The following TMOD4 variants were observed in gnomAD, a reference collection of about 807,000 sequenced individuals.
TMOD4 encodes tropomodulin-4.
A neutral mutation model predicts 45.4 loss-of-function variants in TMOD4; 34 were observed. The ratio of observed to expected loss-of-function variants is 0.75; its 90% CI spans 0.57 to 1.00. The LOEUF is 1.00. Among genes scored for constraint, TMOD4 ranks in the 50% least tolerant of loss-of-function variants. The pLI is 0.00. For synonymous variants in TMOD4, 131 were observed against 153.9 expected (o/e 0.85, Z 1.10); for missense variants, 399 against 437.5 (o/e 0.91, Z 0.78).
Position 151,170,593 on chromosome 1 carries a change from C to A in TMOD4, c.941G>T (p.Arg314Leu). ...TVLEQCPSIV[R>L]FGYHFTQQGP... ...CTGCTGTGTAAAGTGGTAGCCAAAG[C>A]GGACAATAGAGGGACACTGCTCTAG... Residue 314 changes from arginine to leucine, a missense_variant, in exon 9 of 10, where the codon CGC becomes CTC. By Grantham distance (102) the Arg-to-Leu change is moderately radical. Transcript: ENST00000295314. The A allele has an allele frequency of 6.2e-7, 1 of 1,614,178 alleles. No homozygotes were observed. Among genetic ancestry groups the A allele is most frequent in the Non-Finnish European group, 8.5e-7 (1 of 1,180,032 alleles).
At position 151,170,100 on chromosome 1, in the gene TMOD4, C is replaced by A; in HGVS notation, c.1019G>T (p.Arg340Leu). 1.2e-6 allele frequency: 2 copies of A among 1,614,170 alleles called. No individual in the cohort carries two copies. The highest frequency in any genetic ancestry group is 1.7e-6 in the Non-Finnish European group (2 of 1,180,020). ...QAMTRNNELR[R>L]QQKKR is the part of the protein sequence containing the mutation. Reference sequence around the variant, plus strand: ...GCAGTGTTATCTCTTCTTTTGCTGGCGACCTGTAAAGGAGCAATATTAAAC... The same window carrying A: ...GCAGTGTTATCTCTTCTTTTGCTGGAGACCTGTAAAGGAGCAATATTAAAC... The change falls in exon 10 of 10, where the codon CGC becomes CTC. Residue 340 changes from arginine to leucine, a missense_variant. Arg to Leu is a moderately radical substitution (Grantham distance 102). Transcript: ENST00000295314.
At position 151,171,451 on chromosome 1, in the gene TMOD4, AC is replaced by A; in HGVS notation, c.707del (p.Ser236MetfsTer22). On this transcript the variant is annotated frameshift_variant, in exon 7 of 10. Transcript: ENST00000295314. LOFTEE classifies it high-confidence loss of function. ...GCCTTACATTGGCAATGGGGTCACC[AC>A]TCCTCGTGGCTACCAGACTGAAGCT... ...VRSFSLVATR[S>X]GDPIANAVAD... The A allele has an allele frequency of 6.2e-7, 1 of 1,613,900 alleles. No individual in the cohort carries two copies. The highest frequency in any genetic ancestry group is 8.5e-7 in the Non-Finnish European group (1 of 1,179,974).
rs1461802178 is a variant in TMOD4, at chr1:151,175,937, C to G, written c.-56G>C. 1 of 152,370 alleles carries G rather than the reference C, an allele frequency of 6.6e-6. No homozygotes were observed. The highest frequency in any genetic ancestry group is 1.5e-5 in the Non-Finnish European group (1 of 68,192). The allele number at this position is 152,370 out of a possible 1,614,324, so 9.4% of individuals were successfully genotyped here. On this transcript the variant is annotated 5_prime_UTR_variant, in exon 1 of 10. Transcript: ENST00000295314. The stretch of plus-strand genomic sequence containing the variant: ...TTCCCCACCTACCAGTCCTGGTGGT[C>G]ACCTCCCTTCTCACCTCCCCTGTGT...
At position 151,170,010 on chromosome 1, in the gene TMOD4, A is replaced by C; in HGVS notation, c.*71T>G. ...AATGGATAGAAGGGCTTTTATTTAC[A>C]GGAAAGGAGGACAGATGAGGATTTA... On this transcript the variant is annotated 3_prime_UTR_variant, in exon 10 of 10. Coordinates refer to ENST00000295314, the MANE Select transcript of TMOD4 (RefSeq NM_013353.3). The C allele has an allele frequency of 6.3e-7, 1 of 1,576,184 alleles. No homozygotes were observed. Among genetic ancestry groups the C allele is most frequent in the Non-Finnish European group, 8.7e-7 (1 of 1,146,540 alleles).
Position 151,170,094 on chromosome 1 carries a change from T to C in TMOD4, c.1025A>G (p.Gln342Arg), listed in dbSNP as rs1683899959. The change falls in exon 10 of 10, where the codon CAA becomes CGA. Residue 342 changes from glutamine (Q) to arginine (R), a missense_variant. By Grantham distance (43) the Gln-to-Arg change is conservative. Transcript: ENST00000295314. ...GGAAATGCAGTGTTATCTCTTCTTT[T>C]GCTGGCGACCTGTAAAGGAGCAATA... ...MTRNNELRRQ[Q>R]KKR 3 of 1,614,100 alleles carry C rather than the reference T, an allele frequency of 1.9e-6. No homozygotes were observed. In the South Asian group the frequency reaches 3.3e-5, roughly 18 times the overall value.
chr1:151,170,193 C>G, intron 9 of TMOD4, 90 bp from the exon 10 acceptor site: 1 of 1,515,690 alleles, frequency 6.6e-7, no homozygotes, highest in Non-Finnish European at 9.1e-7. Context: ...CTTAGCCAAA[C>G]TCATAAATTG....
At chr1:151,170,776 G>A (rs1683927511) in intron 8 of TMOD4, 113 bp from the exon 9 acceptor site, 2 of 1,522,490 alleles carry the variant, frequency 1.3e-6, no homozygotes, top group Non-Finnish European at 1.8e-6. Context: ...AGTGGGTGAA[G>A]AGAGATGCTG....
intron 5 of TMOD4, 70 bp from the exon 6 acceptor site, chr1:151,171,833 C>A: frequency 6.8e-6 from 10 of 1,468,364 alleles, no homozygotes; most frequent in South Asian, 1.4e-5. Flanking sequence ...GTTTTCTTTT[C>A]TTTTCTTTTT....
Position 151,171,648 on chromosome 1 carries a change from G to A in TMOD4, c.603C>T (p.Asn201=), listed in dbSNP as rs757231199. The A allele has an allele frequency of 6.2e-7, 1 of 1,614,082 alleles. No homozygotes were observed. The highest frequency in any genetic ancestry group is 8.5e-7 in the Non-Finnish European group (1 of 1,180,016). ...AGTCAAATACCTGTATATTATTCAA[G>A]TTCACCTCCTCCAGCTCCTTGTCAT... ...RSNDKELEEV[N]LNNIQDIPIP... is the part of the protein sequence containing the mutation. The change falls in exon 6 of 10, where the codon AAC becomes AAT. Residue 201 remains asparagine, a synonymous_variant. Coordinates refer to ENST00000295314, the MANE Select transcript of TMOD4 (RefSeq NM_013353.3).
chr1:151,174,720 A>G (rs587711963), intron 2 of TMOD4, 33 bp downstream of exon 2: 2 of 1,612,744 alleles, frequency 1.2e-6, no homozygotes, highest in South Asian at 2.2e-5. Context: ...AATGCCTGGG[A>G]CTGCCTCTGG....
intron 5 of TMOD4, 73 bp downstream of exon 5, chr1:151,172,195 T>A: frequency 7.9e-7 from 1 of 1,262,086 alleles, no homozygotes; most frequent in African/African-American, 1.5e-5. Flanking sequence ...AATTTCACCC[T>A]TTTCTACCTT....
intron 5 of TMOD4, among the ~76,000 whole-genome samples, chr1:151,172,053 T>C (rs1344458796): frequency 6.6e-6 from 1 of 152,008 alleles, no homozygotes; most frequent in Non-Finnish European, 1.5e-5. Context: ...AGGCTGGTCT[T>C]GAACTCCTGA....
In TMOD4 at chr1:151,174,401, G is replaced by A. The variant is rs763432309; in HGVS notation, c.270C>T (p.Gly90=). The A allele has an allele frequency of 8.1e-6, 13 of 1,613,918 alleles. No individual in the cohort carries two copies. The highest frequency in any genetic ancestry group is 3.3e-5 in the Admixed American group (2 of 59,974). The part of the protein sequence containing the change: ...KERDDLVPFT[G]EKKGKPYIQP... ...TCAGGGTCCCCATACCCTTCTTCTC[G>A]CCTGTGAAGGGCACCAAGTCATCAC... Residue 90 remains glycine, a synonymous_variant, in exon 3 of 10, where the codon GGC becomes GGT. Coordinates refer to ENST00000295314, the MANE Select transcript of TMOD4 (RefSeq NM_013353.3).
At position 151,174,788 on chromosome 1, in the gene TMOD4, G is replaced by A. The variant is rs776300055; in HGVS notation, c.88C>T (p.Gln30Ter). ...LRTLSPEELE[Q>*]LDCELQEMDP... ...ATCTCCTGTAGTTCGCAGTCCAGCT[G>A]CTCTAGCTCCTCGGGGCTCAAGGTC... Residue 30 changes from glutamine (Q) to a stop codon, truncating the protein, a stop_gained, in exon 2 of 10, where the codon CAG (glutamine) becomes TAG (stop). Coordinates refer to ENST00000295314, the MANE Select transcript of TMOD4 (RefSeq NM_013353.3). LOFTEE classifies it high-confidence loss of function. The A allele has an allele frequency of 1.2e-6, 2 of 1,614,114 alleles. No homozygotes were observed. The highest frequency in any genetic ancestry group is 1.7e-6 in the Non-Finnish European group (2 of 1,180,026).
intron 4 of TMOD4, 26 bp from the exon 5 acceptor site, chr1:151,172,383 C>T (rs1423655995): frequency 1.3e-6 from 2 of 1,579,970 alleles, no homozygotes. Context: ...AGAGGAGTCA[C>T]AGGGAATGAG....
intron 3 of TMOD4, 79 bp from the exon 4 acceptor site, chr1:151,173,694 A>G: frequency 8.8e-7 from 1 of 1,131,868 alleles, no homozygotes; most frequent in Admixed American, 1.7e-5. Context: ...TTCCTCCTCC[A>G]GGAGGTAGAA....
At chr1:151,175,500 A>C (rs1253912896) in intron 1 of TMOD4, 1 of 152,288 alleles carries the variant, frequency 6.6e-6, no homozygotes, top group Non-Finnish European at 1.5e-5. Context: ...CTTAAGGGAA[A>C]GCAAGGGCTC....
intron 7 of TMOD4, 25 bp downstream of exon 7, chr1:151,171,408 G>A (rs764709604): frequency 2.5e-6 from 4 of 1,593,036 alleles, no homozygotes; most frequent in African/African-American, 2.7e-5. Flanking sequence ...GTGGGGAGAG[G>A]GCTGGGGATG....
Position 151,170,065 on chromosome 1 carries a change from A to G in TMOD4, c.*16T>C. The G allele has an allele frequency of 1.2e-6, 2 of 1,614,042 alleles. No individual in the cohort carries two copies. Among genetic ancestry groups the G allele is most frequent in the African/African-American group, 2.7e-5 (2 of 75,062 alleles). On this transcript the variant is annotated 3_prime_UTR_variant, in exon 10 of 10. Transcript: ENST00000295314. ...TCCAGTGCTCCCAGCGCTAGTTGGT[A>G]AAGGGAAATGCAGTGTTATCTCTTC...
Sources: gnomAD v4.1 joint callset for allele counts (sites outside exome capture counted in the v4.1 genomes callset) on GRCh38, gnomAD v4.1.1 for gene constraint, MANE v1.5 for transcripts, NCBI Gene and HGNC (gene_info 2026-07-23, HGNC 2026-07-21) for gene names.